Variants in PDE4D observed in about 807,000 individuals in gnomAD.
PDE4D encodes phosphodiesterase 4D.
A neutral mutation model predicts 87.4 loss-of-function variants in PDE4D; 24 were observed. That is an observed-to-expected ratio of 0.27 (90% confidence interval 0.20 to 0.39). The LOEUF (loss-of-function observed/expected upper bound fraction) is 0.39. Among genes scored for constraint, PDE4D ranks in the 10% least tolerant of loss-of-function variants. PDE4D has a pLI of 1.00. For missense variants in PDE4D, 714 were observed against 1,041.0 expected, an observed-to-expected ratio of 0.69 and a Z score of 4.32; for synonymous variants, 384 against 383.2, an observed-to-expected ratio of 1.00 and a Z score of -0.02.
At chr5:59,804,387 G>A (rs938690913) in intron 1 of PDE4D, among the ~76,000 whole-genome samples, 1 of 152,144 alleles carries the variant, frequency 6.6e-6, no homozygotes, top group African/African-American at 2.4e-5. Context: ...AATCCATAGG[G>A]CATATATACC....
chr5:59,960,223 A>T (rs1759315280), intron 3 of PDE4D, among the ~76,000 whole-genome samples: 1 of 152,208 alleles, frequency 6.6e-6, no homozygotes, highest in Non-Finnish European at 1.5e-5. Context: ...ACGGTAGAGA[A>T]AAGGGAATGG....
At chr5:60,380,052 G>A (rs1211382861) in intron 1 of PDE4D, among the ~76,000 whole-genome samples, 2 of 152,218 alleles carry the variant, frequency 1.3e-5, no homozygotes, top group Non-Finnish European at 2.9e-5. Flanking sequence ...AAGATAAAAT[G>A]TGCCCGATGC....
At chr5:60,139,612 C>A (rs961857377) in intron 2 of PDE4D, among the ~76,000 whole-genome samples, 5 of 151,724 alleles carry the variant, frequency 3.3e-5, no homozygotes, top group African/African-American at 1.2e-4. Flanking sequence ...AATAATAATG[C>A]ATGTAAGCAC....
At chr5:59,790,474 T>A (rs1048834443) in intron 1 of PDE4D, among the ~76,000 whole-genome samples, 1 of 152,180 alleles carries the variant, frequency 6.6e-6, no homozygotes, top group Non-Finnish European at 1.5e-5. Flanking sequence ...AAAGAAAGAT[T>A]GCTACAAAAT....
intron 3 of PDE4D, among the ~76,000 whole-genome samples, chr5:59,189,248 T>TTTG (rs1743703318): frequency 9.6e-6 from 1 of 103,640 alleles, no homozygotes; most frequent in African/African-American, 4.2e-5. Flanking sequence ...TTTTTTGTTT[T>TTTG]TTTTGTTTTT....
chr5:59,214,032 TCACACACA>T (rs199738839), intron 2 of PDE4D, among the ~76,000 whole-genome samples: 5,199 of 132,706 alleles, frequency 0.039, 150 homozygotes, highest in African/African-American at 0.083. Context: ...CATACATACT[TCACACACA>T]CACACACACA....
intron 1 of PDE4D, among the ~76,000 whole-genome samples, chr5:59,755,161 T>A (rs1761042027): frequency 6.6e-6 from 1 of 152,192 alleles, no homozygotes. Flanking sequence ...TCTTATTACC[T>A]TAAGAAGAAA....
At chr5:59,085,422 G>A (rs187434826) in intron 5 of PDE4D, among the ~76,000 whole-genome samples, 44 of 151,970 alleles carry the variant, frequency 2.9e-4, no homozygotes, top group African/African-American at 8.7e-4. Flanking sequence ...TTGACAGTTC[G>A]TTTTCTCCCC....
chr5:59,023,749 C>G (rs983013717), intron 6 of PDE4D, among the ~76,000 whole-genome samples: 10 of 152,144 alleles, frequency 6.6e-5, no homozygotes, highest in African/African-American at 2.2e-4. Context: ...GAGAAAATAC[C>G]TGGAATCATG....
At chr5:60,073,914 CTCT>C (rs935866781) in intron 2 of PDE4D, among the ~76,000 whole-genome samples, 4 of 152,034 alleles carry the variant, frequency 2.6e-5, no homozygotes, top group African/African-American at 9.6e-5. Context: ...TGGATCTTCT[CTCT>C]TCTTCTTTAT....
rs548442953 is a variant in PDE4D at position 60,415,573 on chromosome 5, C to G, written c.-90+72369G>C. On this transcript the variant is annotated intron_variant, in intron 1 of 16. Transcript: ENST00000502484. ...GAGCGGCAGGCCGGCCCCGCCACCC[C>G]GGGCAGTGAGGGGCTTAGCACCTGG... 1.2e-4 allele frequency among the ~76,000 whole-genome samples: 19 copies of G among 152,344 alleles called. No homozygotes were observed. In the Middle Eastern group the frequency reaches 0.01, roughly 82 times the overall value.
chr5:59,675,647 A>T (rs897167118), intron 1 of PDE4D, among the ~76,000 whole-genome samples: 3 of 152,164 alleles, frequency 2.0e-5, no homozygotes, highest in African/African-American at 7.2e-5. Flanking sequence ...TATCTTTAAA[A>T]ACAATAATAA....
intron 1 of PDE4D, among the ~76,000 whole-genome samples, chr5:59,710,117 C>T (rs537250387): frequency 7.9e-5 from 12 of 152,234 alleles, no homozygotes; most frequent in African/African-American, 1.4e-4. Context: ...AATTATACAA[C>T]GAACCAGAAC....
At chr5:60,438,767 T>C (rs1465627593) in intron 1 of PDE4D, among the ~76,000 whole-genome samples, 1 of 152,100 alleles carries the variant, frequency 6.6e-6, no homozygotes, top group Non-Finnish European at 1.5e-5. Context: ...AGGAAGGTGC[T>C]TGATTGTACT....
At chr5:59,635,053 G>T (rs958080089) in intron 1 of PDE4D, among the ~76,000 whole-genome samples, 3 of 152,052 alleles carry the variant, frequency 2.0e-5, no homozygotes, top group African/African-American at 7.2e-5. Context: ...TGATAAAGGG[G>T]ATATCATCAT....
chr5:59,593,381 T>A (rs1201166170), intron 1 of PDE4D, among the ~76,000 whole-genome samples: 2 of 152,058 alleles, frequency 1.3e-5, no homozygotes, highest in African/African-American at 4.8e-5. Context: ...TTTATCCTGA[T>A]TAGATGTATC....
intron 1 of PDE4D, among the ~76,000 whole-genome samples, chr5:59,696,956 G>T (rs1396490340): frequency 2.0e-5 from 3 of 152,118 alleles, no homozygotes; most frequent in Admixed American, 6.6e-5. Flanking sequence ...ACAATCACTG[G>T]TAAGAAAACC....
At chr5:59,443,630 T>C (rs931458923) in intron 1 of PDE4D, among the ~76,000 whole-genome samples, 1 of 152,212 alleles carries the variant, frequency 6.6e-6, no homozygotes, top group Non-Finnish European at 1.5e-5. Flanking sequence ...TTAACGTGAT[T>C]ATTTTGCCAT....
intron 1 of PDE4D, among the ~76,000 whole-genome samples, chr5:59,771,164 T>TAAATAAATAAATAAATAAAA (rs1306508049): frequency 1.3e-5 from 2 of 148,822 alleles, no homozygotes; most frequent in African/African-American, 5.0e-5. Flanking sequence ...AATAAATAAA[T>TAAATAAATAAATAAATAAAA]AAAAAGGTTA....
Sources: allele counts gnomAD v4.1 joint callset (sites outside exome capture counted in the v4.1 genomes callset), GRCh38; gene constraint gnomAD v4.1.1; transcripts MANE v1.5; gene names NCBI Gene and HGNC (gene_info 2026-07-23, HGNC 2026-07-21).